Variants in FOLH1 observed in about 807,000 individuals in gnomAD.
FOLH1 encodes the protein glutamate carboxypeptidase 2.
FOLH1 carries 54 observed loss-of-function variants against 93.9 expected under a neutral mutation model. That is an observed-to-expected ratio of 0.57 (90% CI 0.46 to 0.72). The LOEUF (loss-of-function observed/expected upper bound fraction) is 0.72, where lower values mean the gene tolerates loss of function less well. Among genes scored for constraint, FOLH1 ranks in the 30% least tolerant of loss-of-function variants. The pLI is 0.00. For missense variants in FOLH1, 571 were observed against 892.5 expected (o/e 0.64, Z 4.59); for synonymous variants, 249 against 303.6 (o/e 0.82, Z 1.87).
intron 7 of FOLH1, among the ~76,000 whole-genome samples, chr11:49,179,708 C>T (rs1230351170): frequency 6.6e-6 from 1 of 151,944 alleles, no homozygotes; most frequent in Admixed American, 6.6e-5. Context: ...GAAAACTAAA[C>T]TAAACTCTAA....
intron 5 of FOLH1, 64 bp downstream of exon 5, chr11:49,186,580 A>C (rs564084085): frequency 6.6e-7 from 1 of 1,524,586 alleles, no homozygotes; most frequent in African/African-American, 1.4e-5. Context: ...GATTCTACAC[A>C]TGTAAAACCC....
intron 13 of FOLH1, among the ~76,000 whole-genome samples, chr11:49,164,313 T>A (rs934679611): frequency 6.6e-6 from 1 of 152,228 alleles, no homozygotes; most frequent in Non-Finnish European, 1.5e-5. Context: ...ATGATTCCTG[T>A]GTTCTGAATT....
chr11:49,155,808 A>ATATATG (rs1856948949), intron 15 of FOLH1, among the ~76,000 whole-genome samples: 1 of 79,430 alleles, frequency 1.3e-5, no homozygotes, highest in African/African-American at 6.2e-5. Flanking sequence ...ATATATATAT[A>ATATATG]TATATATATA....
intron 3 of FOLH1, among the ~76,000 whole-genome samples, chr11:49,197,528 A>G (rs1862748790): frequency 6.6e-6 from 1 of 152,236 alleles, no homozygotes; most frequent in South Asian, 2.1e-4. Flanking sequence ...CTGCATAATC[A>G]AAGGTGAAAC....
In FOLH1 at chr11:49,154,268, C is replaced by T; in HGVS notation, c.1848G>A (p.Met616Ile). ...KYADKIYSIS[M>I]KHPQEMKTYS... ...ATGTCTTCATTTCCTGTGGATGTTT[C>T]ATAGAAATACTGTAGATTTTGTCAG... The change falls in exon 16 of 19, where the codon ATG becomes ATA. Residue 616 changes from methionine to isoleucine, a missense_variant. Coordinates refer to ENST00000256999, the MANE Select transcript of FOLH1 (RefSeq NM_004476.3). 2 of 1,613,386 alleles carry T rather than the reference C, an allele frequency of 1.2e-6. No homozygotes were observed. Among genetic ancestry groups the T allele is most frequent in the Non-Finnish European group, 1.7e-6 (2 of 1,179,552 alleles).
Position 49,158,288 on chromosome 11 carries a change from C to G in FOLH1, c.1441-245G>C, listed in dbSNP as rs185331488. Among the ~76,000 whole-genome samples the G allele has an allele frequency of 2.1e-4, 32 of 152,094 alleles. No individual in the cohort carries two copies. The East Asian group carries it at 4.8e-3, about 23-fold the overall frequency. On this transcript the variant is annotated intron_variant, in intron 13 of 18. Transcript: ENST00000256999. Reference sequence around the variant, plus strand: ...AGTGCATAGCATAAACAGGCTACACCAAATTCATACCAAGCCATTGTCTTT... The same window carrying G: ...AGTGCATAGCATAAACAGGCTACACGAAATTCATACCAAGCCATTGTCTTT...
chr11:49,164,109 C>T (rs1858084427), intron 13 of FOLH1, among the ~76,000 whole-genome samples: 2 of 152,130 alleles, frequency 1.3e-5, no homozygotes, highest in Admixed American at 6.5e-5. Context: ...AGCCACACAC[C>T]ATAGTTGCTT....
chr11:49,181,883 C>T (rs749856130), intron 7 of FOLH1, among the ~76,000 whole-genome samples: 1 of 152,108 alleles, frequency 6.6e-6, no homozygotes, highest in South Asian at 2.1e-4. Context: ...AAAATGAGTG[C>T]CTTGCCCTTG....
intron 6 of FOLH1, 125 bp from the exon 7 acceptor site, chr11:49,183,367 A>T (rs1861009236): frequency 1.4e-6 from 1 of 712,528 alleles, no homozygotes; most frequent in Non-Finnish European, 2.2e-6. Context: ...ACAGATTAAC[A>T]ATTCAAATGT....
intron 3 of FOLH1, among the ~76,000 whole-genome samples, chr11:49,197,475 T>TA (rs1862743484): frequency 1.3e-5 from 2 of 152,290 alleles, no homozygotes; most frequent in South Asian, 2.1e-4. Flanking sequence ...TTTTGTGACA[T>TA]AAAAAAGTCA....
At chr11:49,179,782 G>T (rs1233572445) in intron 7 of FOLH1, among the ~76,000 whole-genome samples, 1 of 152,114 alleles carries the variant, frequency 6.6e-6, no homozygotes, top group Non-Finnish European at 1.5e-5. Flanking sequence ...GAAAATCAAT[G>T]AAACCAAGGG....
intron 12 of FOLH1, among the ~76,000 whole-genome samples, chr11:49,166,552 T>C (rs892668224): frequency 5.9e-5 from 9 of 152,334 alleles, no homozygotes; most frequent in Admixed American, 2.0e-4. Flanking sequence ...AATGCCAACA[T>C]GATGGAAACA....
At chr11:49,183,277 C>A in intron 6 of FOLH1, 35 bp from the exon 7 acceptor site, 3 of 1,532,120 alleles carry the variant, frequency 2.0e-6, no homozygotes, top group Non-Finnish European at 2.7e-6. Context: ...CCAGTAAAAA[C>A]TCAGTTTCAT....
At chr11:49,184,773 A>C (rs202692) in intron 6 of FOLH1, among the ~76,000 whole-genome samples, 47,772 of 152,068 alleles carry the variant, frequency 0.31, 8,573 homozygotes, top group African/African-American at 0.5. Context: ...GCTTTAAACC[A>C]CACAAACTTA....
intron 3 of FOLH1, among the ~76,000 whole-genome samples, chr11:49,199,620 G>GT (rs927360942): frequency 6.6e-6 from 1 of 152,076 alleles, no homozygotes; most frequent in African/African-American, 2.4e-5. Context: ...TATCAAAAAT[G>GT]TATCTCCTGG....
rs1181239082 is a variant in FOLH1 at position 49,199,893 on chromosome 11, A to G, written c.411+362T>C. ...ACCACTGCACTCCAGCCTGCCTGACAGGAGTGAAACTCCATCTGGAAAAAA... is the reference window on the plus strand; with the variant it reads ...ACCACTGCACTCCAGCCTGCCTGACGGGAGTGAAACTCCATCTGGAAAAAA... On this transcript the variant is annotated intron_variant, in intron 3 of 18. Transcript: ENST00000256999. 2.6e-5 allele frequency among the ~76,000 whole-genome samples: 4 copies of G among 152,086 alleles called. No homozygotes were observed. In the East Asian group the frequency reaches 7.7e-4, roughly 29 times the overall value.
At chr11:49,204,916 A>AT (rs1863710090) in intron 2 of FOLH1, among the ~76,000 whole-genome samples, 1 of 152,212 alleles carries the variant, frequency 6.6e-6, no homozygotes, top group African/African-American at 2.4e-5. Flanking sequence ...TTAAAAAAAA[A>AT]GCAAGTATTC....
chr11:49,207,550 T>A (rs188535013), intron 1 of FOLH1, among the ~76,000 whole-genome samples: 1 of 152,334 alleles, frequency 6.6e-6, no homozygotes, highest in East Asian at 1.9e-4. Flanking sequence ...ATGAGGAGTA[T>A]CTTGGTAAAA....
chr11:49,208,432 T>A lies in FOLH1; in HGVS notation c.-23A>T. On this transcript the variant is annotated 5_prime_UTR_variant, in exon 1 of 19. Transcript: ENST00000256999. ...CATCTCGGCGCGAGCAGAGCCGGCC[T>A]CCCGGGACCCGCGCCTGTGCTGCTG... is the stretch of plus-strand genomic sequence containing the variant. The A allele has an allele frequency of 6.5e-7, 1 of 1,543,340 alleles. No individual in the cohort carries two copies. The highest frequency in any genetic ancestry group is 8.8e-7 in the Non-Finnish European group (1 of 1,130,890).
Sources: allele counts gnomAD v4.1 joint callset (sites outside exome capture counted in the v4.1 genomes callset), GRCh38; gene constraint gnomAD v4.1.1; transcripts MANE v1.5; gene names NCBI Gene and HGNC (gene_info 2026-07-23, HGNC 2026-07-21).